The following UNC5C variants were observed in gnomAD, a reference collection of about 807,000 sequenced individuals.
UNC5C encodes the protein netrin receptor UNC5C.
A neutral mutation model predicts 99.8 loss-of-function variants in UNC5C; 47 were observed. The observed-to-expected ratio is 0.47, with a 90% confidence interval of 0.37 to 0.60. UNC5C has a LOEUF of 0.60. UNC5C is among the 20% of genes least tolerant of loss of function. UNC5C has a pLI of 0.00. For synonymous variants in UNC5C, 487 were observed against 452.2 expected (o/e 1.08, Z -0.98); for missense variants, 1,062 against 1,165.9 (o/e 0.91, Z 1.30).
chr4:95,401,768 C>T (rs755077184), intron 1 of UNC5C, among the ~76,000 whole-genome samples: 3 of 152,160 alleles, frequency 2.0e-5, no homozygotes, highest in Non-Finnish European at 1.5e-5. Context: ...TCAGTGGATC[C>T]GAGCAGAGTT....
chr4:95,206,556 C>T (rs983703670), intron 11 of UNC5C, 72 bp downstream of exon 11: 41 of 1,590,650 alleles, frequency 2.6e-5, no homozygotes, highest in Non-Finnish European at 3.4e-5. Context: ...AAATAAAAGG[C>T]CTCCCATAAT....
intron 3 of UNC5C, among the ~76,000 whole-genome samples, chr4:95,300,963 A>T (rs1328800669): frequency 6.6e-6 from 1 of 152,178 alleles, no homozygotes; most frequent in African/African-American, 2.4e-5. Context: ...AATTGTTTGT[A>T]ACACAAAAGG....
intron 4 of UNC5C, 69 bp from the exon 5 acceptor site, chr4:95,250,736 G>A: frequency 6.8e-7 from 1 of 1,478,550 alleles, no homozygotes; most frequent in Non-Finnish European, 9.3e-7. Context: ...GTCCTAACCT[G>A]CATTTTGTAC....
chr4:95,275,175 G>A lies in UNC5C; in HGVS notation c.594+3084C>T, dbSNP rs1052174025. Among the ~76,000 whole-genome samples, 10 of 152,082 alleles carry A rather than the reference G, an allele frequency of 6.6e-5. No homozygotes were observed. The South Asian group carries it at 1.5e-3, about 22-fold the overall frequency. On this transcript the variant is annotated intron_variant, in intron 4 of 15. Coordinates refer to ENST00000453304, the MANE Select transcript of UNC5C (RefSeq NM_003728.4). ...TCACAATATTGTCTTCATTTGTAGC[G>A]TGTGTGGACTCCAGCCAAAGCAACT...
At chr4:95,315,540 T>C (rs1458039725) in intron 2 of UNC5C, among the ~76,000 whole-genome samples, 3 of 152,230 alleles carry the variant, frequency 2.0e-5, no homozygotes, top group South Asian at 4.1e-4. Context: ...TGTCTATTCA[T>C]ATCTCCAGGC....
chr4:95,214,701 A>G (rs1431641854), intron 10 of UNC5C, among the ~76,000 whole-genome samples: 1 of 152,244 alleles, frequency 6.6e-6, no homozygotes. Context: ...ATAAAGCACA[A>G]GCCAATACTT....
intron 4 of UNC5C, among the ~76,000 whole-genome samples, chr4:95,256,842 G>T (rs534443784): frequency 1.3e-5 from 2 of 151,826 alleles, no homozygotes; most frequent in South Asian, 4.2e-4. Flanking sequence ...TGATGTTTGA[G>T]GTCAGGAAGG....
intron 14 of UNC5C, among the ~76,000 whole-genome samples, chr4:95,172,238 T>A (rs1251180753): frequency 2.0e-5 from 3 of 149,180 alleles, no homozygotes; most frequent in African/African-American, 7.4e-5. Flanking sequence ...AAGCTCTTTA[T>A]TTTAATGAGA....
chr4:95,548,080 G>A (rs1191222053), intron 1 of UNC5C, among the ~76,000 whole-genome samples: 7 of 152,216 alleles, frequency 4.6e-5, no homozygotes, highest in African/African-American at 1.4e-4. Flanking sequence ...GGCATGAAGC[G>A]GGGTATGTAT....
intron 1 of UNC5C, among the ~76,000 whole-genome samples, chr4:95,448,220 G>A (rs1485649729): frequency 6.8e-6 from 1 of 147,016 alleles, no homozygotes; most frequent in African/African-American, 2.6e-5. Flanking sequence ...GTGTGTGTGT[G>A]TGTGTGTGAG....
At chr4:95,467,793 A>G (rs763903783) in intron 1 of UNC5C, among the ~76,000 whole-genome samples, 1 of 152,194 alleles carries the variant, frequency 6.6e-6, no homozygotes, top group Non-Finnish European at 1.5e-5. Flanking sequence ...TGGAAGCCTT[A>G]CCAATAACAT....
rs3069136 is a variant in UNC5C at position 95,459,374 on chromosome 4, AGACT to A, written c.124+89356_124+89359del. On this transcript the variant is annotated intron_variant, in intron 1 of 15. Transcript: ENST00000453304. ...ATCAAAATATACAAAGTCATTCAGT[AGACT>A]GACTATTATTCCAGTAGTCAGTGTA... 3.3e-3 allele frequency among the ~76,000 whole-genome samples: 499 copies of A among 152,284 alleles called. 7 individuals carry two copies. Among genetic ancestry groups the A allele is most frequent in the African/African-American group, 0.011 (467 of 41,580 alleles).
intron 7 of UNC5C, chr4:95,222,101 C>T (rs1035884990): frequency 3.0e-6 from 2 of 666,466 alleles, no homozygotes; most frequent in Non-Finnish European, 4.5e-6. Context: ...ATATATTAGG[C>T]TCCTATTTCC....
At chr4:95,443,853 A>G (rs968716491) in intron 1 of UNC5C, among the ~76,000 whole-genome samples, 1 of 152,186 alleles carries the variant, frequency 6.6e-6, no homozygotes, top group African/African-American at 2.4e-5. Context: ...TCTCTCTTGA[A>G]TAATACAAAC....
At chr4:95,207,690 TCA>T (rs745539938) in intron 10 of UNC5C, among the ~76,000 whole-genome samples, 75 of 152,154 alleles carry the variant, frequency 4.9e-4, no homozygotes, top group Admixed American at 1.2e-3. Context: ...AATCATGGAC[TCA>T]CAGAATTTTA....
intron 7 of UNC5C, among the ~76,000 whole-genome samples, chr4:95,221,111 A>G (rs1287424748): frequency 6.6e-6 from 1 of 152,184 alleles, no homozygotes; most frequent in Non-Finnish European, 1.5e-5. Context: ...ATCTAACTGG[A>G]AAAGGTGATA....
intron 14 of UNC5C, among the ~76,000 whole-genome samples, chr4:95,177,816 C>T (rs1736432359): frequency 6.6e-6 from 1 of 151,980 alleles, no homozygotes; most frequent in Non-Finnish European, 1.5e-5. Context: ...ATCCTCCCAC[C>T]TCAGTCTCCC....
At chr4:95,543,505 A>G (rs537170671) in intron 1 of UNC5C, among the ~76,000 whole-genome samples, 1 of 152,262 alleles carries the variant, frequency 6.6e-6, no homozygotes, top group African/African-American at 2.4e-5. Flanking sequence ...GTTCTGGTGA[A>G]TTTTCTTTGC....
intron 12 of UNC5C, among the ~76,000 whole-genome samples, chr4:95,200,863 G>GCC (rs202151191): frequency 1.8e-4 from 28 of 151,582 alleles, no homozygotes; most frequent in African/African-American, 6.8e-4. Context: ...TGATATCTGT[G>GCC]CCCCCCCCAA....
Sources: allele counts gnomAD v4.1 joint callset (sites outside exome capture counted in the v4.1 genomes callset), GRCh38; gene constraint gnomAD v4.1.1; transcripts MANE v1.5; gene names NCBI Gene and HGNC (gene_info 2026-07-23, HGNC 2026-07-21).